The following CRISP3 variants were observed in gnomAD, a reference collection of about 807,000 sequenced individuals.
CRISP3 encodes cysteine-rich secretory protein 3.
In CRISP3, 33 loss-of-function variants were observed where a neutral mutation model predicts 36.1. The observed-to-expected ratio is 0.91, with a 90% CI of 0.69 to 1.22. The LOEUF (loss-of-function observed/expected upper bound fraction) is 1.22. Ranked by LOEUF, CRISP3 falls within the 50% of genes most tolerant of loss-of-function variation. CRISP3 has a pLI of 0.00. For synonymous variants in CRISP3, 117 were observed against 104.6 expected (o/e 1.12, Z -0.72); for missense variants, 330 against 301.2 (o/e 1.10, Z -0.71).
intron 7 of CRISP3, among the ~76,000 whole-genome samples, chr6:49,730,287 CT>C (rs1768882581): frequency 6.6e-6 from 1 of 151,890 alleles, no homozygotes; most frequent in Non-Finnish European, 1.5e-5. Context: ...ATTTTTGAGG[CT>C]TCTGCAAACT....
intron 6 of CRISP3, among the ~76,000 whole-genome samples, chr6:49,731,907 G>T (rs893430480): frequency 6.6e-6 from 1 of 152,096 alleles, no homozygotes; most frequent in Non-Finnish European, 1.5e-5. Flanking sequence ...GGGAAAAAAA[G>T]ATTTAATTAA....
intron 7 of CRISP3, 123 bp from the exon 8 acceptor site, chr6:49,728,980 C>T (rs2127449666): frequency 1.3e-6 from 1 of 781,012 alleles, no homozygotes; most frequent in Non-Finnish European, 1.9e-6. Flanking sequence ...GATTATTACA[C>T]TAAGATGGCC....
At chr6:49,741,270 T>C (rs1769195741) in intron 1 of CRISP3, among the ~76,000 whole-genome samples, 2 of 152,094 alleles carry the variant, frequency 1.3e-5, no homozygotes, top group South Asian at 4.1e-4. Context: ...TCCCTAGTGT[T>C]GTATGGTTCA....
At chr6:49,741,730 T>A (rs1173230412) in intron 1 of CRISP3, among the ~76,000 whole-genome samples, 1 of 148,502 alleles carries the variant, frequency 6.7e-6, no homozygotes. Flanking sequence ...TAGGTGCATT[T>A]CATTTAATAT....
In CRISP3 at chr6:49,733,505, A is replaced by T. The variant is rs145640697; in HGVS notation, c.462+198T>A. Among the ~76,000 whole-genome samples, 217 of 152,292 alleles carry T rather than the reference A, an allele frequency of 1.4e-3. 1 individual carries two copies. Among genetic ancestry groups the T allele is most frequent in the African/African-American group, 4.8e-3 (199 of 41,574 alleles). On this transcript the variant is annotated intron_variant, in intron 5 of 7. Coordinates refer to ENST00000263045, the MANE Select transcript of CRISP3 (RefSeq NM_006061.4). Reference sequence around the variant, plus strand: ...CATTCCTTTTTGAGACCGTTGGACAAAGATTATGCTTCCCTACCATGATCC... The same window carrying T: ...CATTCCTTTTTGAGACCGTTGGACATAGATTATGCTTCCCTACCATGATCC...
intron 1 of CRISP3, among the ~76,000 whole-genome samples, chr6:49,739,216 G>A (rs1769138737): frequency 6.6e-6 from 1 of 152,142 alleles, no homozygotes; most frequent in Admixed American, 6.5e-5. Context: ...CAGAATTTGA[G>A]AGCAAAAGAG....
chr6:49,731,699 TA>T (rs3837035), intron 6 of CRISP3, among the ~76,000 whole-genome samples: 87,913 of 151,400 alleles, frequency 0.58, 25,673 homozygotes, highest in Middle Eastern at 0.64. Flanking sequence ...TAATTAAAAA[TA>T]AAAAAAAACC....
rs887055140 is a variant in CRISP3, at chr6:49,735,379, T to A, written c.316+125A>T. 30 of 674,806 alleles carry A rather than the reference T, an allele frequency of 4.4e-5. No homozygotes were observed. The African/African-American group carries it at 4.8e-4, about 11-fold the overall frequency. The allele number at this position is 674,806 out of a possible 1,614,324, so 41.8% of individuals were successfully genotyped here. ...CAGAGTTATCTCTACATGTAGATAG[T>A]CCATATTGAAAAAGGTAGCATTAGA... On this transcript the variant is annotated intron_variant, in intron 4 of 7. Coordinates refer to ENST00000263045, the MANE Select transcript of CRISP3 (RefSeq NM_006061.4).
intron 4 of CRISP3, among the ~76,000 whole-genome samples, chr6:49,734,401 A>G (rs1254667007): frequency 6.6e-6 from 1 of 152,216 alleles, no homozygotes; most frequent in Non-Finnish European, 1.5e-5. Context: ...TTCACAGGTT[A>G]CAGGCCTCCT....
At chr6:49,729,676 G>A (rs868463362) in intron 7 of CRISP3, among the ~76,000 whole-genome samples, 1 of 150,932 alleles carries the variant, frequency 6.6e-6, no homozygotes, top group Non-Finnish European at 1.5e-5. Context: ...CTATTTTTTG[G>A]TTTTTTTTTG....
chr6:49,735,900 T>C (rs975576019), intron 3 of CRISP3, among the ~76,000 whole-genome samples: 13 of 152,152 alleles, frequency 8.5e-5, no homozygotes, highest in African/African-American at 2.7e-4. Flanking sequence ...GATAAACATG[T>C]GGAGGTGCTG....
At chr6:49,740,510 T>C (rs1769171030) in intron 1 of CRISP3, among the ~76,000 whole-genome samples, 1 of 150,690 alleles carries the variant, frequency 6.6e-6, no homozygotes, top group Non-Finnish European at 1.5e-5. Flanking sequence ...AAGAAAATAC[T>C]GAAAAGATAG....
intron 1 of CRISP3, 178 bp from the exon 2 acceptor site, chr6:49,737,576 A>C: frequency 3.0e-6 from 2 of 677,584 alleles, no homozygotes; most frequent in East Asian, 2.7e-5. Flanking sequence ...CAGCTTTCAA[A>C]GTATGCATTC....
chr6:49,741,761 C>T (rs1582200036), intron 1 of CRISP3, among the ~76,000 whole-genome samples: 1 of 147,514 alleles, frequency 6.8e-6, no homozygotes, highest in African/African-American at 2.5e-5. Context: ...AAAAGAATGA[C>T]TAACACTTTT....
intron 1 of CRISP3, 97 bp downstream of exon 1, chr6:49,744,234 T>C: frequency 1.2e-6 from 1 of 842,452 alleles, no homozygotes; most frequent in Non-Finnish European, 1.7e-6. Flanking sequence ...GTAGATAAAA[T>C]ATACGAATAT....
At chr6:49,738,772 C>T (rs968047346) in intron 1 of CRISP3, among the ~76,000 whole-genome samples, 1 of 152,148 alleles carries the variant, frequency 6.6e-6, no homozygotes, top group African/African-American at 2.4e-5. Flanking sequence ...CTGATATACA[C>T]TTGCAAAACC....
At chr6:49,730,395 T>C (rs1257469450) in intron 7 of CRISP3, among the ~76,000 whole-genome samples, 2 of 152,110 alleles carry the variant, frequency 1.3e-5, no homozygotes, top group Non-Finnish European at 2.9e-5. Context: ...TTGATGATTG[T>C]AACTACACTA....
intron 1 of CRISP3, among the ~76,000 whole-genome samples, chr6:49,738,556 T>A (rs2127452834): frequency 6.6e-6 from 1 of 152,290 alleles, no homozygotes; most frequent in South Asian, 2.1e-4. Context: ...ATTCACTGGT[T>A]CCTCCTGAAC....
At chr6:49,737,195 T>G (rs931749807) in intron 2 of CRISP3, 130 bp downstream of exon 2, 30 of 665,608 alleles carry the variant, frequency 4.5e-5, no homozygotes, top group Non-Finnish European at 6.1e-5. Context: ...TTAACTACCT[T>G]GAGCTACTAA....
Sources: allele counts gnomAD v4.1 joint callset (sites outside exome capture counted in the v4.1 genomes callset), GRCh38; gene constraint gnomAD v4.1.1; transcripts MANE v1.5; gene names NCBI Gene and HGNC (gene_info 2026-07-23, HGNC 2026-07-21).